The following PRKCQ variants were observed in gnomAD, a reference collection of about 807,000 sequenced individuals.
PRKCQ encodes the protein protein kinase C theta.
A neutral mutation model predicts 91.2 loss-of-function variants in PRKCQ; 41 were observed. That is an observed-to-expected ratio of 0.45 (90% CI 0.35 to 0.58). The LOEUF is 0.58. Among genes scored for constraint, PRKCQ ranks in the 20% least tolerant of loss-of-function variants. The pLI, the probability that PRKCQ is intolerant of heterozygous loss-of-function variation, is 0.00. For synonymous variants in PRKCQ, 307 were observed against 316.9 expected, an observed-to-expected ratio of 0.97 and a Z score of 0.33; for missense variants, 673 against 896.5, an observed-to-expected ratio of 0.75 and a Z score of 3.18.
intron 1 of PRKCQ, among the ~76,000 whole-genome samples, chr10:6,564,735 T>A (rs796332601): frequency 3.2e-4 from 48 of 152,342 alleles, no homozygotes; most frequent in African/African-American, 1.0e-3. Context: ...GCTGTTTTTT[T>A]AAGCCACTAA....
chr10:6,395,075 T>TTC, the PRKCQ span, among the ~76,000 whole-genome samples: 181 of 135,800 alleles, frequency 1.3e-3, 2 homozygotes, highest in African/African-American at 4.9e-3. Flanking sequence ...TTTTTTTTTT[T>TTC]TTTTTGAGAC....
chr10:6,491,492 G>C (rs1837294143), intron 8 of PRKCQ, among the ~76,000 whole-genome samples, 191 bp downstream of exon 8: 1 of 152,150 alleles, frequency 6.6e-6, no homozygotes, highest in Non-Finnish European at 1.5e-5. Flanking sequence ...TGTGTGGGTG[G>C]GGGTGTTGCA....
At chr10:6,472,380 T>C (rs971430412) in intron 12 of PRKCQ, among the ~76,000 whole-genome samples, 17 of 152,220 alleles carry the variant, frequency 1.1e-4, no homozygotes, top group Non-Finnish European at 2.1e-4. Context: ...AGTGAGTGTC[T>C]TGTTCTTTTA....
intron 7 of PRKCQ, among the ~76,000 whole-genome samples, chr10:6,492,606 A>G (rs942479758): frequency 2.0e-5 from 3 of 152,304 alleles, no homozygotes; most frequent in Admixed American, 6.5e-5. Context: ...TTCTGTCTCA[A>G]AATAAATGTG....
chr10:6,564,652 C>T (rs1840770760), intron 1 of PRKCQ, among the ~76,000 whole-genome samples: 1 of 152,146 alleles, frequency 6.6e-6, no homozygotes, highest in African/African-American at 2.4e-5. Flanking sequence ...TAGGGATGCT[C>T]TGAAGACCAA....
chr10:6,567,917 C>A (rs191535069), intron 1 of PRKCQ, among the ~76,000 whole-genome samples: 27 of 152,160 alleles, frequency 1.8e-4, no homozygotes, highest in Admixed American at 1.8e-3. Context: ...CTTTCTTACT[C>A]GTATCTATTT....
chr10:6,526,614 G>A (rs1181176987), intron 1 of PRKCQ, among the ~76,000 whole-genome samples: 1 of 152,144 alleles, frequency 6.6e-6, no homozygotes, highest in Non-Finnish European at 1.5e-5. Flanking sequence ...GCCGAAACAT[G>A]GGTGTGAGGT....
chr10:6,429,979 C>T (rs11258742), intron 17 of PRKCQ, among the ~76,000 whole-genome samples: 1 of 150,780 alleles, frequency 6.6e-6, no homozygotes, highest in Non-Finnish European at 1.5e-5. Context: ...CTCAGCCTCC[C>T]GAGTAGCCAG....
intron 15 of PRKCQ, among the ~76,000 whole-genome samples, chr10:6,453,345 A>T (rs1834816712): frequency 6.6e-6 from 1 of 152,232 alleles, no homozygotes; most frequent in Admixed American, 6.5e-5. Flanking sequence ...GCCATCAGAG[A>T]AATGCAATTC....
intron 14 of PRKCQ, among the ~76,000 whole-genome samples, chr10:6,459,764 T>C (rs545384490): frequency 3.9e-5 from 6 of 152,292 alleles, no homozygotes; most frequent in Admixed American, 3.3e-4. Flanking sequence ...GGCTGGTAAA[T>C]CGAGGGCTTG....
chr10:6,457,746 T>C (rs1835089305), intron 14 of PRKCQ, among the ~76,000 whole-genome samples: 1 of 152,190 alleles, frequency 6.6e-6, no homozygotes, highest in African/African-American at 2.4e-5. Context: ...CTCTTGCCTT[T>C]TGCCACGGTG....
At chr10:6,559,780 C>T (rs958252654) in intron 1 of PRKCQ, among the ~76,000 whole-genome samples, 1 of 151,970 alleles carries the variant, frequency 6.6e-6, no homozygotes, top group Non-Finnish European at 1.5e-5. Flanking sequence ...TCTAGAAATT[C>T]TCTTTACCTC....
chr10:6,396,626 T>C, the PRKCQ span, among the ~76,000 whole-genome samples: 1 of 152,254 alleles, frequency 6.6e-6, no homozygotes, highest in East Asian at 1.9e-4. Context: ...GATTCCTTTT[T>C]ATTGCTGAGT....
chr10:6,444,730 G>A (rs74115905), intron 15 of PRKCQ, among the ~76,000 whole-genome samples: 1,688 of 151,690 alleles, frequency 0.011, 41 homozygotes, highest in African/African-American at 0.038. Context: ...ACACACGCAC[G>A]CAGAAGGTAT....
In PRKCQ at chr10:6,428,089, G is replaced by A; in HGVS notation, c.*118C>T. ...GTCACATGGGGGCGAACGGGTCTCA[G>A]TCTTTATTGTTGAGTGTTTCTTTCT... On this transcript the variant is annotated 3_prime_UTR_variant, in exon 18 of 18. Coordinates refer to ENST00000263125, the MANE Select transcript of PRKCQ (RefSeq NM_006257.5). 1 of 1,335,488 alleles carries A rather than the reference G, an allele frequency of 7.5e-7. No homozygotes were observed. The highest frequency in any genetic ancestry group is 1.0e-6 in the Non-Finnish European group (1 of 954,202). 82.7% of individuals were successfully genotyped at this position (1,335,488 alleles called of 1,614,324 possible). A position where few individuals can be genotyped will look rare whatever the true frequency, so the allele number is the denominator to read the frequency against.
chr10:6,475,514 C>A (rs12220818), intron 12 of PRKCQ, among the ~76,000 whole-genome samples: 15,256 of 152,212 alleles, frequency 0.1, 920 homozygotes, highest in Non-Finnish European at 0.13. Context: ...AAGTGAATAC[C>A]TGTCCTCAGA....
At chr10:6,548,786 T>C (rs1373345660) in intron 1 of PRKCQ, among the ~76,000 whole-genome samples, 2 of 150,308 alleles carry the variant, frequency 1.3e-5, no homozygotes, top group East Asian at 4.0e-4. Context: ...TAATGCTAAA[T>C]GACCAGTTAA....
chr10:6,563,340 G>A (rs1033350643), intron 1 of PRKCQ, among the ~76,000 whole-genome samples: 4 of 152,010 alleles, frequency 2.6e-5, no homozygotes, highest in Non-Finnish European at 4.4e-5. Flanking sequence ...CTGGAGGTGC[G>A]TGGGTGGGAT....
intron 1 of PRKCQ, among the ~76,000 whole-genome samples, chr10:6,534,777 T>TATATATATATATATAG (rs1382441325): frequency 6.9e-5 from 2 of 29,108 alleles, no homozygotes; most frequent in African/African-American, 1.2e-4. Flanking sequence ...CATATATCTA[T>TATATATATATATATAG]ATATATATAT....
Sources: gnomAD v4.1 joint callset for allele counts (sites outside exome capture counted in the v4.1 genomes callset) on GRCh38, gnomAD v4.1.1 for gene constraint, MANE v1.5 for transcripts, NCBI Gene and HGNC (gene_info 2026-07-23, HGNC 2026-07-21) for gene names.